Variants in NTRK3 observed in about 807,000 individuals in gnomAD.
NTRK3 encodes the protein neurotrophic receptor tyrosine kinase 3.
NTRK3 carries 24 observed loss-of-function variants against 91.7 expected under a neutral mutation model. The ratio of observed to expected loss-of-function variants is 0.26; its 90% confidence interval spans 0.19 to 0.37. NTRK3 has a LOEUF of 0.37. Ranked by LOEUF, NTRK3 falls within the 10% of genes least tolerant of loss-of-function variation. The pLI, the probability that NTRK3 is intolerant of heterozygous loss-of-function variation, is 1.00. For synonymous variants in NTRK3, 483 were observed against 404.0 expected (o/e 1.20, Z -2.34); for missense variants, 880 against 1,068.9 (o/e 0.82, Z 2.46).
At chr15:88,003,140 T>A (rs1228837563) in intron 14 of NTRK3, among the ~76,000 whole-genome samples, 2 of 152,208 alleles carry the variant, frequency 1.3e-5, no homozygotes, top group East Asian at 3.8e-4. Flanking sequence ...TACAAGGCAA[T>A]CAAATGCTAG....
chr15:87,901,134 G>A (rs2066433096), intron 17 of NTRK3, among the ~76,000 whole-genome samples: 1 of 152,156 alleles, frequency 6.6e-6, no homozygotes, highest in South Asian at 2.1e-4. Context: ...CATAATCTGA[G>A]GCCTGCAGCT....
chr15:87,924,418 G>A (rs1005464163), intron 17 of NTRK3, among the ~76,000 whole-genome samples: 3 of 152,108 alleles, frequency 2.0e-5, no homozygotes, highest in African/African-American at 4.8e-5. Flanking sequence ...TTAGAATCCA[G>A]TGCCTTACTA....
At chr15:87,930,307 T>C (rs2068681610) in intron 16 of NTRK3, among the ~76,000 whole-genome samples, 2 of 152,146 alleles carry the variant, frequency 1.3e-5, no homozygotes, top group African/African-American at 4.8e-5. Flanking sequence ...TTCACTCTTT[T>C]CTCTAGAAAG....
chr15:88,216,456 A>G (rs2049779832), intron 3 of NTRK3, among the ~76,000 whole-genome samples: 1 of 152,162 alleles, frequency 6.6e-6, no homozygotes, highest in African/African-American at 2.4e-5. Flanking sequence ...AATGTACTCA[A>G]ATAGCTCTCC....
intron 18 of NTRK3, among the ~76,000 whole-genome samples, chr15:87,877,418 C>T (rs1329298091): frequency 6.6e-6 from 1 of 152,148 alleles, no homozygotes; most frequent in Non-Finnish European, 1.5e-5. Flanking sequence ...CCTCACTTTT[C>T]TTCTCTAGTC....
intron 5 of NTRK3, among the ~76,000 whole-genome samples, chr15:88,167,986 T>C (rs1597721045): frequency 6.6e-6 from 1 of 151,634 alleles, no homozygotes; most frequent in Non-Finnish European, 1.5e-5. Flanking sequence ...ATGAGGGAGA[T>C]GATTTTCTTA....
intron 14 of NTRK3, among the ~76,000 whole-genome samples, chr15:88,030,827 A>T (rs1020789457): frequency 6.6e-6 from 1 of 151,960 alleles, no homozygotes; most frequent in Non-Finnish European, 1.5e-5. Context: ...CATATTTATC[A>T]TGTACATTGT....
chr15:87,940,068 G>A (rs28435816), intron 15 of NTRK3, among the ~76,000 whole-genome samples: 6,001 of 152,234 alleles, frequency 0.039, 407 homozygotes, highest in African/African-American at 0.13. Flanking sequence ...GTCTGAACCT[G>A]AAACCCATGG....
intron 13 of NTRK3, among the ~76,000 whole-genome samples, chr15:88,112,786 T>C (rs2051562108): frequency 6.6e-6 from 1 of 151,998 alleles, no homozygotes; most frequent in Non-Finnish European, 1.5e-5. Context: ...GCAACAGCAC[T>C]CTCCCCCGCT....
intron 3 of NTRK3, among the ~76,000 whole-genome samples, chr15:88,188,148 T>G (rs770170598): frequency 6.6e-6 from 1 of 152,102 alleles, no homozygotes; most frequent in Non-Finnish European, 1.5e-5. Context: ...GAGTGCATGG[T>G]GATGGCCCCC....
chr15:87,983,057 G>A (rs561161576), intron 14 of NTRK3, among the ~76,000 whole-genome samples: 3 of 152,294 alleles, frequency 2.0e-5, no homozygotes, highest in South Asian at 2.1e-4. Context: ...AGTAGTTTAG[G>A]TTATGGTTTA....
At chr15:88,057,085 C>T (rs1244455120) in intron 13 of NTRK3, among the ~76,000 whole-genome samples, 1 of 148,594 alleles carries the variant, frequency 6.7e-6, no homozygotes, top group Non-Finnish European at 1.5e-5. Flanking sequence ...AGGAGAATGG[C>T]GTGAACCCGG....
chr15:88,135,469 T>A, intron 9 of NTRK3, 72 bp from the exon 10 acceptor site: 1 of 1,527,978 alleles, frequency 6.5e-7, no homozygotes. Flanking sequence ...TTCCAGCAAC[T>A]AAAATGGGAA....
At chr15:88,073,620 C>A (rs903610272) in intron 13 of NTRK3, among the ~76,000 whole-genome samples, 2 of 152,118 alleles carry the variant, frequency 1.3e-5, no homozygotes, top group African/African-American at 4.8e-5. Flanking sequence ...CCTTAGGCTG[C>A]CCAGGTACAA....
At chr15:88,033,104 C>A (rs2078701333) in intron 13 of NTRK3, 59 bp from the exon 14 acceptor site, 2 of 1,517,264 alleles carry the variant, frequency 1.3e-6, no homozygotes, top group South Asian at 1.2e-5. Flanking sequence ...AGTTTCCAGC[C>A]CTGTCCACAG....
chr15:88,136,346 T>C, intron 8 of NTRK3, 121 bp downstream of exon 8: 1 of 1,288,744 alleles, frequency 7.8e-7, no homozygotes. Context: ...TGCAGCTGCA[T>C]GTAACCCAAG....
chr15:88,217,914 G>A (rs542720064), intron 3 of NTRK3, among the ~76,000 whole-genome samples: 2 of 152,076 alleles, frequency 1.3e-5, no homozygotes, highest in South Asian at 2.1e-4. Context: ...GCCCGCCACC[G>A]CGTCCGGTTA....
rs140756068 is a variant in NTRK3, at chr15:88,201,734, C to T, written c.249-17435G>A. ...CCCTGCCTGCAGATGTCTTGGGGTC[C>T]GAATACTTCAGAACACAGGGCCAGG... is the stretch of plus-strand genomic sequence containing the variant. On this transcript the variant is annotated intron_variant, in intron 3 of 18. Coordinates refer to ENST00000394480, the Ensembl canonical transcript of NTRK3. Among the ~76,000 whole-genome samples the T allele has an allele frequency of 1.6e-4, 24 of 152,200 alleles. No individual in the cohort carries two copies. The East Asian group carries it at 4.6e-3, about 29-fold the overall frequency.
chr15:88,137,590 C>T (rs759211351), intron 6 of NTRK3, 29 bp from the exon 7 acceptor site: 2 of 1,610,602 alleles, frequency 1.2e-6, no homozygotes, highest in East Asian at 2.2e-5. Flanking sequence ...GGGAAGGGAA[C>T]CTCTGAACCG....
Sources: gnomAD v4.1 joint callset for allele counts (sites outside exome capture counted in the v4.1 genomes callset) on GRCh38, gnomAD v4.1.1 for gene constraint, MANE v1.5 for transcripts, NCBI Gene and HGNC (gene_info 2026-07-23, HGNC 2026-07-21) for gene names.